Variants in PIGN observed in about 807,000 individuals in gnomAD.
PIGN encodes phosphatidylinositol glycan anchor biosynthesis class N, also known as GPI ethanolamine phosphate transferase 1.
In PIGN, 117 loss-of-function variants were observed where a neutral mutation model predicts 125.4. That is an observed-to-expected ratio of 0.93 (90% CI 0.80 to 1.09). The LOEUF (loss-of-function observed/expected upper bound fraction) is 1.09. PIGN is among the 50% of genes least tolerant of loss of function. The pLI is 0.00. For synonymous variants in PIGN, 392 were observed against 377.8 expected (o/e 1.04, Z -0.44); for missense variants, 1,075 against 1,094.9 (o/e 0.98, Z 0.26).
chr18:62,034,983 C>A (rs1258480530), intron 23 of PIGN, among the ~76,000 whole-genome samples: 2 of 152,126 alleles, frequency 1.3e-5, no homozygotes, highest in African/African-American at 4.8e-5. Flanking sequence ...TAATAATCCC[C>A]ACTTGTCATG....
At chr18:62,181,893 A>AT (rs375320659) in intron 1 of PIGN, among the ~76,000 whole-genome samples, 27 of 151,518 alleles carry the variant, frequency 1.8e-4, no homozygotes, top group African/African-American at 6.1e-4. Flanking sequence ...TGCCCAGGTA[A>AT]TTTTGTATTT....
chr18:62,162,374 T>C (rs768501104), intron 2 of PIGN, 45 bp from the exon 3 acceptor site: 2 of 152,078 alleles, frequency 1.3e-5, no homozygotes, highest in Non-Finnish European at 2.9e-5. Context: ...CTTGTCTTAG[T>C]TGTAATGTAA....
chr18:62,154,523 T>TTAA (rs2036650321), intron 7 of PIGN, 22 bp downstream of exon 7: 1 of 1,099,504 alleles, frequency 9.1e-7, no homozygotes, highest in African/African-American at 1.6e-5. Context: ...TTTTTGTATA[T>TTAA]TAACCACTCA....
chr18:62,079,008 T>C (rs764346270), intron 28 of PIGN, among the ~76,000 whole-genome samples: 16 of 152,176 alleles, frequency 1.1e-4, no homozygotes, highest in Admixed American at 1.0e-3. Flanking sequence ...CTGTGGCCCC[T>C]TCTTTTCTGC....
At chr18:62,180,507 T>C (rs1318979479) in intron 1 of PIGN, among the ~76,000 whole-genome samples, 1 of 152,200 alleles carries the variant, frequency 6.6e-6, no homozygotes, top group Non-Finnish European at 1.5e-5. Context: ...CCCTAATTGC[T>C]TGATACTGTC....
rs1423344917 is a variant in PIGN, at chr18:62,049,027, T to G, written c.2673-3048A>C. ...TTCATCCATGTCCCTACAAAGGACA[T>G]GAACTCATCCTTTTTTATGGCTGCA... is the stretch of plus-strand genomic sequence containing the variant. On this transcript the variant is annotated intron_variant, in intron 30 of 30. Transcript: ENST00000640252. 1.1e-4 allele frequency among the ~76,000 whole-genome samples: 16 copies of G among 152,098 alleles called. 4 individuals carry two copies. Among genetic ancestry groups the G allele is most frequent in the Admixed American group, 9.8e-4 (15 of 15,270 alleles).
In PIGN at chr18:62,048,381, C is replaced by T. The variant is rs189773920; in HGVS notation, c.2673-2402G>A. Among the ~76,000 whole-genome samples the T allele has an allele frequency of 2.1e-3, 324 of 152,206 alleles. 6 individuals carry two copies. Among genetic ancestry groups the T allele is most frequent in the Non-Finnish European group, 4.0e-4 (27 of 68,006 alleles). On this transcript the variant is annotated intron_variant, in intron 30 of 30. Coordinates refer to ENST00000640252, the MANE Select transcript of PIGN (RefSeq NM_176787.5). ...AATAAGGTAAACCCAAAGCAATCCA[C>T]ACAAAGACACATCAAATTACTAAAA...
At chr18:62,174,212 TCA>T (rs2037441065) in intron 1 of PIGN, 1 of 131,840 alleles carries the variant, frequency 7.6e-6, no homozygotes, top group Admixed American at 7.6e-5. Context: ...AGACTCCAAC[TCA>T]AAAAAAAAAA....
At position 62,082,738 on chromosome 18, in the gene PIGN, G is replaced by T; in HGVS notation, c.2511C>A (p.Ile837=). ...AAGCACACATAACAAGAACAAAGGG[G>T]ATTAAAATCTGTAAAAGAACAATAA... ...MGALMMWKIL[I]PFVLVMCAFE... Residue 837 remains isoleucine, a synonymous_variant, in exon 28 of 31, where the codon ATC becomes ATA. Transcript: ENST00000640252. The T allele has an allele frequency of 6.5e-7, 1 of 1,527,074 alleles. No individual in the cohort carries two copies. Among genetic ancestry groups the T allele is most frequent in the African/African-American group, 1.4e-5 (1 of 72,940 alleles). The allele number at this position is 1,527,074 out of a possible 1,614,324, so 94.6% of individuals were successfully genotyped here.
intron 22 of PIGN, 59 bp from the exon 23 acceptor site, chr18:62,096,009 G>A (rs575058531): frequency 4.3e-5 from 47 of 1,104,760 alleles, no homozygotes; most frequent in East Asian, 7.4e-5. Context: ...AAATGTTAGC[G>A]TAGGGCCGGG....
intron 16 of PIGN, 173 bp from the exon 17 acceptor site, chr18:62,110,146 G>A (rs2034818899): frequency 1.9e-6 from 1 of 540,476 alleles, no homozygotes; most frequent in Non-Finnish European, 3.1e-6. Flanking sequence ...TATTTGAGGA[G>A]CATATTAGAG....
chr18:62,089,929 T>A (rs1028061076), intron 24 of PIGN, among the ~76,000 whole-genome samples: 2 of 152,164 alleles, frequency 1.3e-5, no homozygotes, highest in South Asian at 4.1e-4. Flanking sequence ...TCCTTAAAAA[T>A]TGGTTGGATT....
At chr18:62,077,574 C>T (rs1041270300) in intron 28 of PIGN, among the ~76,000 whole-genome samples, 4 of 152,114 alleles carry the variant, frequency 2.6e-5, no homozygotes, top group African/African-American at 4.8e-5. Context: ...GTTTCCTTAT[C>T]TATAAAATGG....
chr18:62,079,347 G>A (rs987975580), intron 28 of PIGN, among the ~76,000 whole-genome samples: 4 of 152,164 alleles, frequency 2.6e-5, no homozygotes, highest in Non-Finnish European at 4.4e-5. Flanking sequence ...ATCACAAAAT[G>A]TATCACCAGT....
chr18:62,107,951 AT>A (rs367675189), intron 17 of PIGN, among the ~76,000 whole-genome samples: 6 of 152,340 alleles, frequency 3.9e-5, no homozygotes, highest in African/African-American at 1.4e-4. Flanking sequence ...TCAAAAATGT[AT>A]TACATACTTG....
intron 7 of PIGN, among the ~76,000 whole-genome samples, chr18:62,149,122 G>A (rs1375221906): frequency 6.6e-6 from 1 of 152,092 alleles, no homozygotes; most frequent in African/African-American, 2.4e-5. Flanking sequence ...GCCTTTAACT[G>A]TAGAAGATGT....
At chr18:62,039,328 T>C (rs2030304003), downstream of PIGN, among the ~76,000 whole-genome samples, 1 of 152,124 alleles carries the variant, frequency 6.6e-6, no homozygotes, top group African/African-American at 2.4e-5. Context: ...TACTAATTAC[T>C]AAAAACTACT....
intron 23 of PIGN, among the ~76,000 whole-genome samples, chr18:62,022,672 T>C (rs1415537123): frequency 6.6e-6 from 1 of 152,242 alleles, no homozygotes; most frequent in African/African-American, 2.4e-5. Flanking sequence ...TTTAAGTGTA[T>C]AGGAAAATGA....
intron 21 of PIGN, 131 bp from the exon 22 acceptor site, chr18:62,101,314 T>C: frequency 1.6e-6 from 1 of 634,642 alleles, no homozygotes; most frequent in Non-Finnish European, 2.8e-6. Flanking sequence ...ATCAATGAAA[T>C]ACAGTGGACA....
Sources: allele counts gnomAD v4.1 joint callset (sites outside exome capture counted in the v4.1 genomes callset), GRCh38; gene constraint gnomAD v4.1.1; transcripts MANE v1.5; gene names NCBI Gene and HGNC (gene_info 2026-07-23, HGNC 2026-07-21).